Variants in RGS7 observed in about 807,000 individuals in gnomAD.
RGS7 encodes the protein regulator of G-protein signaling 7.
A neutral mutation model predicts 81.1 loss-of-function variants in RGS7; 27 were observed. The observed-to-expected ratio is 0.33, with a 90% CI of 0.25 to 0.46. The LOEUF is 0.46. Among genes scored for constraint, RGS7 ranks in the 20% least tolerant of loss-of-function variants. The probability of loss-of-function intolerance (pLI) is 1.00; values close to 1 mark genes in which losing one functional copy is unlikely to be tolerated. For missense variants in RGS7, 396 were observed against 607.4 expected, an observed-to-expected ratio of 0.65 and a Z score of 3.66; for synonymous variants, 208 against 207.7, an observed-to-expected ratio of 1.00 and a Z score of -0.01.
At chr1:241,308,411 T>A (rs2080301657) in intron 2 of RGS7, among the ~76,000 whole-genome samples, 1 of 152,248 alleles carries the variant, frequency 6.6e-6, no homozygotes, top group Non-Finnish European at 1.5e-5. Flanking sequence ...GGCAATTTTG[T>A]GTTTTGACAC....
intron 6 of RGS7, among the ~76,000 whole-genome samples, chr1:240,908,434 T>C (rs1165564221): frequency 6.6e-6 from 1 of 152,118 alleles, no homozygotes; most frequent in African/African-American, 2.4e-5. Flanking sequence ...AATGAATGAA[T>C]GAACGAATGT....
intron 6 of RGS7, among the ~76,000 whole-genome samples, chr1:240,877,422 C>T (rs892169416): frequency 2.0e-5 from 3 of 151,418 alleles, no homozygotes; most frequent in African/African-American, 4.8e-5. Flanking sequence ...ATATATACAT[C>T]TGCTAATACA....
intron 3 of RGS7, among the ~76,000 whole-genome samples, chr1:241,054,722 T>C (rs1162898597): frequency 6.6e-6 from 1 of 152,228 alleles, no homozygotes; most frequent in Non-Finnish European, 1.5e-5. Flanking sequence ...ATCCCAAGAA[T>C]CAACCTTGAC....
chr1:241,110,837 A>T (rs1468284543), intron 2 of RGS7, among the ~76,000 whole-genome samples: 1 of 151,858 alleles, frequency 6.6e-6, no homozygotes, highest in Non-Finnish European at 1.5e-5. Context: ...AGTGCCCGCC[A>T]TCATGCCCAG....
At chr1:241,214,204 T>A (rs556252754) in intron 2 of RGS7, among the ~76,000 whole-genome samples, 1 of 152,316 alleles carries the variant, frequency 6.6e-6, no homozygotes, top group East Asian at 1.9e-4. Context: ...TATAGACCTG[T>A]CAGCAACAAA....
intron 2 of RGS7, among the ~76,000 whole-genome samples, chr1:241,189,037 C>T (rs1166244167): frequency 6.6e-6 from 1 of 152,020 alleles, no homozygotes; most frequent in African/African-American, 2.4e-5. Flanking sequence ...TTCAGTGGTG[C>T]AGTCATAGCT....
intron 6 of RGS7, among the ~76,000 whole-genome samples, chr1:240,908,364 T>C (rs1422886047): frequency 6.6e-6 from 1 of 151,744 alleles, no homozygotes; most frequent in East Asian, 1.9e-4. Flanking sequence ...TAAATTAAAT[T>C]AAAAAAAGAA....
At chr1:240,894,668 T>C (rs77505846) in intron 6 of RGS7, among the ~76,000 whole-genome samples, 19,390 of 152,058 alleles carry the variant, frequency 0.13, 1,342 homozygotes, top group Middle Eastern at 0.18. Flanking sequence ...CTAGCTCTCA[T>C]ATCATTTTTT....
rs1247315509 is a variant in RGS7, at chr1:240,979,229, T to TA, written c.226+3849dup. Among the ~76,000 whole-genome samples, 4 of 152,114 alleles carry TA rather than the reference T, an allele frequency of 2.6e-5. No homozygotes were observed. In the East Asian group the frequency reaches 5.8e-4, roughly 22 times the overall value. ...CCAATAAGTTAGTTAAGATTTCTTT[T>TA]AAAAAAAGATAGTGTAGCAAAGAGA... is the stretch of plus-strand genomic sequence containing the variant. On this transcript the variant is annotated intron_variant, in intron 4 of 18. Coordinates refer to ENST00000440928, the MANE Select transcript of RGS7 (RefSeq NM_001364886.1).
At chr1:240,919,934 T>C in intron 6 of RGS7, 3 of 1,289,672 alleles carry the variant, frequency 2.3e-6, no homozygotes, top group African/African-American at 1.5e-5. Context: ...GAGAAGATTC[T>C]CAAAGACCAG....
At chr1:240,821,928 G>T (rs944175788) in intron 10 of RGS7, among the ~76,000 whole-genome samples, 4 of 152,150 alleles carry the variant, frequency 2.6e-5, no homozygotes, top group African/African-American at 9.7e-5. Flanking sequence ...TTTCCCTCAG[G>T]TTTTGTGACC....
chr1:240,799,653 C>T (rs537322416), intron 18 of RGS7, among the ~76,000 whole-genome samples: 12 of 151,936 alleles, frequency 7.9e-5, no homozygotes, highest in South Asian at 2.1e-4. Flanking sequence ...ACACTAATGA[C>T]GAATAATCTT....
rs771423316 is a variant in RGS7 at position 240,813,614 on chromosome 1, C to G, written c.956+4G>C. ...ATGGGCGAGAAAGATAAAATGCCAC[C>G]TACCTTGCCTCAAGTTCCCAGAAAG... On this transcript the variant is annotated splice_donor_region_variant and intron_variant, in intron 13 of 18. Transcript: ENST00000440928. The G allele has an allele frequency of 2.2e-5, 35 of 1,579,762 alleles. No individual in the cohort carries two copies. Among genetic ancestry groups the G allele is most frequent in the Non-Finnish European group, 3.0e-5 (34 of 1,148,748 alleles).
At chr1:241,134,223 A>G (rs2067323387) in intron 2 of RGS7, among the ~76,000 whole-genome samples, 1 of 152,212 alleles carries the variant, frequency 6.6e-6, no homozygotes, top group Non-Finnish European at 1.5e-5. Context: ...ACCAACGAAG[A>G]ACAGCCATCC....
intron 2 of RGS7, among the ~76,000 whole-genome samples, chr1:241,127,101 T>C (rs6685517): frequency 0.091 from 13,909 of 152,154 alleles, 807 homozygotes; most frequent in East Asian, 0.17. Context: ...GTCAAGGTAA[T>C]ATCATAGAGA....
At chr1:240,780,332 A>C (rs1273034663) in intron 18 of RGS7, among the ~76,000 whole-genome samples, 2 of 150,504 alleles carry the variant, frequency 1.3e-5, no homozygotes, top group East Asian at 4.0e-4. Flanking sequence ...CTGTAGTCCC[A>C]GCTACTCGGG....
intron 2 of RGS7, among the ~76,000 whole-genome samples, chr1:241,169,184 T>C (rs1206319815): frequency 6.8e-6 from 1 of 147,550 alleles, no homozygotes; most frequent in East Asian, 2.0e-4. Flanking sequence ...GTAATATATA[T>C]GTTATATACA....
Position 240,868,969 on chromosome 1 carries a change from G to T in RGS7, c.451-117C>A. The stretch of plus-strand genomic sequence containing the variant: ...ATAGAGAGTTTCTAAAGCCCTAAGT[G>T]TACTGTGGTTCTCAATGATAAGTCA... On this transcript the variant is annotated intron_variant, in intron 7 of 18. Coordinates refer to ENST00000440928, the MANE Select transcript of RGS7 (RefSeq NM_001364886.1). The surrounding 1 kb of genome is among the most constrained non-coding windows in gnomAD (Gnocchi z 5.1). The T allele has an allele frequency of 1.1e-6, 1 of 903,592 alleles. No individual in the cohort carries two copies. The highest frequency in any genetic ancestry group is 1.8e-6 in the Non-Finnish European group (1 of 544,204). The allele number at this position is 903,592 out of a possible 1,614,324, so 56.0% of individuals were successfully genotyped here.
rs372822508 is a variant in RGS7 at position 241,141,553 on chromosome 1, C to T, written c.79-42791G>A. 2.6e-5 allele frequency among the ~76,000 whole-genome samples: 4 copies of T among 152,144 alleles called. No homozygotes were observed. In the East Asian group the frequency reaches 7.7e-4, roughly 29 times the overall value. ...AGACAAAGGAGAAGAAGGCATCTTC[C>T]TCATAGGGTGGCAGGACGGAGTGAG... On this transcript the variant is annotated intron_variant, in intron 2 of 18. Coordinates refer to ENST00000440928, the MANE Select transcript of RGS7 (RefSeq NM_001364886.1).
Sources: gnomAD v4.1 joint callset for allele counts (sites outside exome capture counted in the v4.1 genomes callset) on GRCh38, gnomAD v4.1.1 for gene constraint, Gnocchi (gnomAD v3.1) non-coding constraint, MANE v1.5 for transcripts, NCBI Gene and HGNC (gene_info 2026-07-23, HGNC 2026-07-21) for gene names.